The following QPCT variants were observed in gnomAD, a reference collection of about 807,000 sequenced individuals.
The protein encoded by QPCT is glutaminyl-peptide cyclotransferase.
QPCT carries 44 observed loss-of-function variants against 43.4 expected under a neutral mutation model. The ratio of observed to expected loss-of-function variants is 1.01; its 90% confidence interval spans 0.80 to 1.30. QPCT has a LOEUF of 1.30. QPCT is among the 50% of genes most tolerant of loss of function. The pLI is 0.00. For missense variants in QPCT, 526 were observed against 436.5 expected, an observed-to-expected ratio of 1.21 and a Z score of -1.83; for synonymous variants, 168 against 168.4, an observed-to-expected ratio of 1.00 and a Z score of 0.02.
At chr2:37,360,298 G>A (rs1286035196) in intron 3 of QPCT, among the ~76,000 whole-genome samples, 1 of 152,216 alleles carries the variant, frequency 6.6e-6, no homozygotes, top group Admixed American at 6.5e-5. Flanking sequence ...CTGAAGTGGA[G>A]AGTGGGTAAT....
intron 3 of QPCT, among the ~76,000 whole-genome samples, chr2:37,363,410 G>T (rs1196757272): frequency 1.4e-5 from 2 of 144,710 alleles, no homozygotes; most frequent in Non-Finnish European, 3.0e-5. Context: ...ATTGCTTGAG[G>T]CCAAGAGTTT....
rs781768229 is a variant in QPCT at position 37,372,679 on chromosome 2, T to C, written c.941-3T>C. 1.6e-5 allele frequency: 26 copies of C among 1,611,288 alleles called. No homozygotes were observed. The highest frequency in any genetic ancestry group is 2.2e-5 in the Non-Finnish European group (26 of 1,179,034). On this transcript the variant is annotated splice_polypyrimidine_tract_variant and splice_region_variant and intron_variant, in intron 6 of 6. Transcript: ENST00000338415. ...TTGTTACAAGTTGGTTCTTTCTTAA[T>C]AGGTGTTCCAGTTCTGCATCTGATA...
At chr2:37,357,973 C>A (rs1572732506) in intron 2 of QPCT, among the ~76,000 whole-genome samples, 1 of 151,950 alleles carries the variant, frequency 6.6e-6, no homozygotes, top group African/African-American at 2.4e-5. Context: ...TAGATCTGAA[C>A]TGTTAGATCT....
intron 5 of QPCT, among the ~76,000 whole-genome samples, chr2:37,370,420 G>C (rs577959039): frequency 1.2e-3 from 183 of 152,272 alleles, no homozygotes; most frequent in Non-Finnish European, 2.0e-3. Flanking sequence ...CCAGAGTCCT[G>C]TTTGAAGCAG....
At chr2:37,354,590 G>A (rs1044827593) in intron 2 of QPCT, among the ~76,000 whole-genome samples, 2 of 152,148 alleles carry the variant, frequency 1.3e-5, no homozygotes, top group Admixed American at 6.5e-5. Context: ...TGGAGAGCTG[G>A]GAGGAATCAG....
intron 1 of QPCT, among the ~76,000 whole-genome samples, chr2:37,350,233 C>T (rs769727120): frequency 3.9e-5 from 6 of 152,096 alleles, no homozygotes; most frequent in Non-Finnish European, 7.4e-5. Flanking sequence ...CCAGAGTGAC[C>T]GAAGCATGGT....
At chr2:37,366,529 A>C (rs1006755187) in intron 3 of QPCT, among the ~76,000 whole-genome samples, 3 of 152,200 alleles carry the variant, frequency 2.0e-5, no homozygotes, top group Non-Finnish European at 4.4e-5. Context: ...TTGAAGCTAG[A>C]CTCAGTACAA....
chr2:37,370,229 G>A (rs999556604), intron 5 of QPCT, among the ~76,000 whole-genome samples: 1 of 151,902 alleles, frequency 6.6e-6, no homozygotes, highest in Non-Finnish European at 1.5e-5. Context: ...ATTTAAATGT[G>A]TAATATACTT....
Position 37,372,794 on chromosome 2 carries a change from A to G in QPCT, c.1053A>G (p.Leu351=), listed in dbSNP as rs754219816. 6.8e-6 allele frequency: 11 copies of G among 1,612,326 alleles called. No homozygotes were observed. Among genetic ancestry groups the G allele is most frequent in the African/African-American group, 6.7e-5 (5 of 74,882 alleles). The change falls in exon 7 of 7, where the codon CTA becomes CTG. Residue 351 remains leucine (L), a synonymous_variant. Coordinates refer to ENST00000338415, the MANE Select transcript of QPCT (RefSeq NM_012413.4). ...ESTIDNLNKI[L]QVFVLEYLHL ...CCATTGACAATCTAAACAAAATCCT[A>G]CAAGTCTTTGTGTTGGAATATCTTC...
At chr2:37,360,049 T>C (rs1672831559) in intron 3 of QPCT, 191 bp downstream of exon 3, 1 of 613,314 alleles carries the variant, frequency 1.6e-6, no homozygotes, top group Admixed American at 3.2e-5. Flanking sequence ...CTAAGATACG[T>C]GACAATGCAT....
At chr2:37,352,621 C>T (rs1199605549) in intron 1 of QPCT, among the ~76,000 whole-genome samples, 168 bp from the exon 2 acceptor site, 4 of 152,174 alleles carry the variant, frequency 2.6e-5, no homozygotes, top group African/African-American at 9.7e-5. Flanking sequence ...CTTGAGCCAC[C>T]GTGCCCAGCC....
Position 37,369,790 on chromosome 2 carries a change from C to T in QPCT, c.823+6C>T, listed in dbSNP as rs775968886. On this transcript the variant is annotated splice_donor_region_variant and intron_variant, in intron 5 of 6. Coordinates refer to ENST00000338415, the MANE Select transcript of QPCT (RefSeq NM_012413.4). ...CGAAAGACTTCAAGCAATTGGTAAG[C>T]ACCACTGTTATTAATGAATAAAACA... 24 of 1,545,114 alleles carry T rather than the reference C, an allele frequency of 1.6e-5. No homozygotes were observed. Among genetic ancestry groups the T allele is most frequent in the Non-Finnish European group, 2.0e-5 (22 of 1,117,414 alleles).
chr2:37,363,438 C>T (rs1672893037), intron 3 of QPCT, among the ~76,000 whole-genome samples: 1 of 117,886 alleles, frequency 8.5e-6, no homozygotes, highest in South Asian at 2.6e-4. Flanking sequence ...GCCTGGGCAA[C>T]ATAGTGAGGC....
chr2:37,350,974 G>A (rs1672607704), intron 1 of QPCT, among the ~76,000 whole-genome samples: 1 of 152,204 alleles, frequency 6.6e-6, no homozygotes, highest in Non-Finnish European at 1.5e-5. Flanking sequence ...GTGGTGGGGT[G>A]CTGAGTTGAG....
At position 37,367,335 on chromosome 2, in the gene QPCT, G is replaced by C. The variant is rs758736627; in HGVS notation, c.650G>C (p.Arg217Pro). The change falls in exon 4 of 7, where the codon CGA (arginine) becomes CCA (proline). Residue 217 changes from arginine (R) to proline (P), a missense_variant. Arg to Pro is a moderately radical substitution (Grantham distance 103, BLOSUM62 -2). Coordinates refer to ENST00000338415, the MANE Select transcript of QPCT (RefSeq NM_012413.4). The stretch of plus-strand genomic sequence containing the variant: ...CCTCAAGATTCTCTCTATGGGTCTC[G>C]ACACTTAGCTGCAAAGATGGCATCG... ...WSPQDSLYGS[R>P]HLAAKMASTP... is the part of the protein sequence containing the mutation. The C allele has an allele frequency of 6.2e-7, 1 of 1,613,994 alleles. No individual in the cohort carries two copies. Among genetic ancestry groups the C allele is most frequent in the Non-Finnish European group, 8.5e-7 (1 of 1,179,966 alleles).
intron 5 of QPCT, among the ~76,000 whole-genome samples, chr2:37,370,142 G>A (rs1442272369): frequency 1.3e-5 from 2 of 152,106 alleles, no homozygotes. Flanking sequence ...CCAAGATGGT[G>A]CCATTGCACT....
chr2:37,348,063 CGTGTGTGT>C lies in QPCT; in HGVS notation c.120+3231_120+3238del, dbSNP rs10598967. On this transcript the variant is annotated intron_variant, in intron 1 of 6. Transcript: ENST00000338415. ...ATCTCTCTCTCTCTGCGCGCGCACG[CGTGTGTGT>C]GTGTGTGTGTGTGTGTGTTATTGTT... Among the ~76,000 whole-genome samples the C allele has an allele frequency of 4.0e-5, 6 of 148,488 alleles. No individual in the cohort carries two copies. The East Asian group carries it at 8.0e-4, about 20-fold the overall frequency.
At chr2:37,362,676 A>G (rs530761338) in intron 3 of QPCT, among the ~76,000 whole-genome samples, 1 of 152,334 alleles carries the variant, frequency 6.6e-6, no homozygotes, top group East Asian at 1.9e-4. Context: ...GGATGGAGAA[A>G]TGGCAGATGA....
chr2:37,354,077 A>C (rs973564500), intron 2 of QPCT, among the ~76,000 whole-genome samples: 1 of 152,098 alleles, frequency 6.6e-6, no homozygotes, highest in African/African-American at 2.4e-5. Context: ...GTTGGCCAGG[A>C]TGGTCTCTTA....
Sources: allele counts gnomAD v4.1 joint callset (sites outside exome capture counted in the v4.1 genomes callset), GRCh38; gene constraint gnomAD v4.1.1; transcripts MANE v1.5; gene names NCBI Gene and HGNC (gene_info 2026-07-23, HGNC 2026-07-21).